HEMK2: variants seen among roughly 807,000 people sequenced by gnomAD.
HEMK2 encodes methyltransferase HEMK2.
At chr21:28,680,918 A>G in the HEMK2 span, among the ~76,000 whole-genome samples, 1 of 152,196 alleles carries the variant, frequency 6.6e-6, no homozygotes, top group Admixed American at 6.5e-5. Flanking sequence ...AATAAGAGCT[A>G]TTTATGACAA....
At chr21:28,616,537 C>T in the HEMK2 span, among the ~76,000 whole-genome samples, 3 of 151,960 alleles carry the variant, frequency 2.0e-5, no homozygotes, top group African/African-American at 4.8e-5. Context: ...AATTCTATTA[C>T]CTGCAAAATT....
At chr21:28,676,725 C>A in the HEMK2 span, among the ~76,000 whole-genome samples, 1 of 152,140 alleles carries the variant, frequency 6.6e-6, no homozygotes, top group South Asian at 2.1e-4. Flanking sequence ...CGGACCCTGG[C>A]TTTGTGGAGG....
At chr21:28,884,881 G>T in the HEMK2 span, among the ~76,000 whole-genome samples, 6 of 152,110 alleles carry the variant, frequency 3.9e-5, no homozygotes, top group Admixed American at 3.3e-4. Flanking sequence ...GGAATATTTT[G>T]TTTCCAAACG....
At chr21:28,665,042 C>T in the HEMK2 span, among the ~76,000 whole-genome samples, 2 of 151,848 alleles carry the variant, frequency 1.3e-5, no homozygotes, top group Admixed American at 1.3e-4. Flanking sequence ...CTTTGGGAGG[C>T]CAAGGCAGGT....
chr21:28,751,248 AAAG>A, the HEMK2 span, among the ~76,000 whole-genome samples: 1 of 146,884 alleles, frequency 6.8e-6, no homozygotes, highest in South Asian at 2.2e-4. Context: ...AAAAAAAAAA[AAAG>A]ATACATTAGT....
At chr21:28,869,907 A>C in the HEMK2 span, among the ~76,000 whole-genome samples, 1 of 152,186 alleles carries the variant, frequency 6.6e-6, no homozygotes, top group Non-Finnish European at 1.5e-5. Context: ...ATGTATACCC[A>C]AGAAACTCTC....
chr21:28,723,068 G>A, the HEMK2 span, among the ~76,000 whole-genome samples: 1 of 151,918 alleles, frequency 6.6e-6, no homozygotes, highest in Non-Finnish European at 1.5e-5. Flanking sequence ...GGAGTGCAGT[G>A]GTGCAATCAT....
chr21:28,881,337 T>A, the HEMK2 span, among the ~76,000 whole-genome samples: 2 of 152,154 alleles, frequency 1.3e-5, no homozygotes, highest in African/African-American at 4.8e-5. Flanking sequence ...AAGCCAATCA[T>A]CTCCACATTC....
the HEMK2 span, among the ~76,000 whole-genome samples, chr21:28,877,135 AAGAGAAGAG>A: frequency 1.7e-5 from 1 of 59,600 alleles, no homozygotes; most frequent in Non-Finnish European, 5.3e-5. Flanking sequence ...AAAAAAAGAG[AAGAGAAGAG>A]AGAGAGAGAA....
At chr21:28,723,160 C>G in the HEMK2 span, among the ~76,000 whole-genome samples, 1 of 152,120 alleles carries the variant, frequency 6.6e-6, no homozygotes, top group Non-Finnish European at 1.5e-5. Context: ...CAGTTGCACA[C>G]TGCCATGACC....
chr21:28,746,326 T>G, the HEMK2 span, among the ~76,000 whole-genome samples: 1 of 152,166 alleles, frequency 6.6e-6, no homozygotes, highest in African/African-American at 2.4e-5. Flanking sequence ...CTACTCTTAG[T>G]ATGTTCCTTG....
At chr21:28,864,812 CAGACAGACAGAT>C in the HEMK2 span, among the ~76,000 whole-genome samples, 26,399 of 112,124 alleles carry the variant, frequency 0.24, 2,842 homozygotes, top group South Asian at 0.31. Context: ...CTCTGAAAGA[CAGACAGACAGAT>C]AGATAGATAG....
the HEMK2 span, among the ~76,000 whole-genome samples, chr21:28,831,688 AAGGAAGGAAGGAAG>A: frequency 1.4e-5 from 1 of 71,516 alleles, no homozygotes; most frequent in Non-Finnish European, 2.6e-5. Context: ...AGAAAGAAGG[AAGGAAGGAAGGAAG>A]GAAGGAAGGA....
the HEMK2 span, among the ~76,000 whole-genome samples, chr21:28,709,514 T>C: frequency 6.6e-6 from 1 of 152,170 alleles, no homozygotes; most frequent in Non-Finnish European, 1.5e-5. Flanking sequence ...GTTAAGAAAA[T>C]GTCCCTTGGT....
At chr21:28,787,390 G>A in the HEMK2 span, among the ~76,000 whole-genome samples, 1 of 151,950 alleles carries the variant, frequency 6.6e-6, no homozygotes, top group Admixed American at 6.6e-5. Context: ...AAGAGCTTTT[G>A]CACGGCAAAA....
the HEMK2 span, among the ~76,000 whole-genome samples, chr21:28,866,937 A>G: frequency 6.6e-6 from 1 of 152,180 alleles, no homozygotes; most frequent in Non-Finnish European, 1.5e-5. Context: ...AATTTCAACC[A>G]TATTATTCAT....
At chr21:28,654,565 A>AGAGAGTTTCTAGG in the HEMK2 span, among the ~76,000 whole-genome samples, 3 of 152,132 alleles carry the variant, frequency 2.0e-5, no homozygotes, top group African/African-American at 7.2e-5. Context: ...TCTCCCGTGG[A>AGAGAGTTTCTAGG]ACTTGCCAGG....
chr21:28,738,229 T>G, the HEMK2 span, among the ~76,000 whole-genome samples: 2 of 152,232 alleles, frequency 1.3e-5, no homozygotes, highest in Non-Finnish European at 2.9e-5. Flanking sequence ...GCTGGTGTTC[T>G]GTATTATTTC....
chr21:28,874,302 A>G, the HEMK2 span: 1 of 152,272 alleles, frequency 6.6e-6, no homozygotes, highest in East Asian at 1.9e-4. Flanking sequence ...CCCTGCGCGA[A>G]GGGAAAGTGA....
Sources: gnomAD v4.1 joint callset for allele counts (sites outside exome capture counted in the v4.1 genomes callset) on GRCh38, gnomAD v4.1.1 for gene constraint, MANE v1.5 for transcripts, NCBI Gene and HGNC (gene_info 2026-07-23, HGNC 2026-07-21) for gene names.